DLGAP2: variants seen among roughly 807,000 people sequenced by gnomAD.
DLGAP2 encodes the protein DLG associated protein 2.
Under a neutral mutation model 100.3 loss-of-function variants are expected in DLGAP2, and 26 were observed. That is an observed-to-expected ratio of 0.26 (90% CI 0.19 to 0.36). The LOEUF is 0.36. Among genes scored for constraint, DLGAP2 ranks in the 10% least tolerant of loss-of-function variants. DLGAP2 has a pLI of 1.00. For synonymous variants in DLGAP2, 886 were observed against 630.1 expected, an observed-to-expected ratio of 1.41 and a Z score of -6.08; for missense variants, 1,858 against 1,453.2, an observed-to-expected ratio of 1.28 and a Z score of -4.53.
intron 2 of DLGAP2, among the ~76,000 whole-genome samples, chr8:1,225,359 A>G (rs1028799630): frequency 2.6e-5 from 4 of 152,268 alleles, no homozygotes; most frequent in African/African-American, 9.6e-5. Flanking sequence ...TTTCACATCA[A>G]TGAAATATCC....
intron 3 of DLGAP2, among the ~76,000 whole-genome samples, chr8:1,391,597 C>T (rs766650150): frequency 6.6e-6 from 1 of 152,134 alleles, no homozygotes; most frequent in African/African-American, 2.4e-5. Flanking sequence ...CAGAGCTGGC[C>T]CCATGCAGAG....
intron 3 of DLGAP2, among the ~76,000 whole-genome samples, chr8:1,266,624 C>T (rs1799456142): frequency 6.6e-6 from 1 of 152,180 alleles, no homozygotes; most frequent in South Asian, 2.1e-4. Flanking sequence ...ATGAAATATG[C>T]ACCCTCTGTT....
At chr8:876,690 G>C (rs944827157) in intron 1 of DLGAP2, among the ~76,000 whole-genome samples, 2 of 152,086 alleles carry the variant, frequency 1.3e-5, no homozygotes, top group African/African-American at 4.8e-5. Flanking sequence ...AGTATGTTTG[G>C]GAGGTTTTCA....
intron 2 of DLGAP2, among the ~76,000 whole-genome samples, chr8:1,198,874 G>A (rs957402131): frequency 3.9e-5 from 6 of 152,248 alleles, no homozygotes; most frequent in African/African-American, 1.2e-4. Flanking sequence ...GCACCCCCAC[G>A]CCTGCCTATG....
intron 2 of DLGAP2, among the ~76,000 whole-genome samples, chr8:917,499 A>C (rs1173685217): frequency 6.6e-6 from 1 of 151,792 alleles, no homozygotes; most frequent in Non-Finnish European, 1.5e-5. Context: ...TGGCCTCCCA[A>C]AGTGCTGGAA....
At chr8:1,349,765 C>G (rs950314985) in intron 3 of DLGAP2, among the ~76,000 whole-genome samples, 11 of 152,316 alleles carry the variant, frequency 7.2e-5, no homozygotes, top group African/African-American at 2.6e-4. Flanking sequence ...GGTGTCTTTC[C>G]CCATTAGACC....
chr8:1,188,603 C>T (rs537956305), intron 2 of DLGAP2, among the ~76,000 whole-genome samples: 3 of 151,954 alleles, frequency 2.0e-5, no homozygotes, highest in Non-Finnish European at 2.9e-5. Context: ...CCGGGACGTC[C>T]GTGACATTTG....
chr8:1,583,376 C>A (rs1200313915), intron 6 of DLGAP2, among the ~76,000 whole-genome samples: 1 of 151,926 alleles, frequency 6.6e-6, no homozygotes, highest in Non-Finnish European at 1.5e-5. Context: ...CCTGGGATCA[C>A]CTTTTGCTCC....
chr8:1,427,471 A>G (rs1797267924), intron 3 of DLGAP2, among the ~76,000 whole-genome samples: 1 of 152,224 alleles, frequency 6.6e-6, no homozygotes, highest in South Asian at 2.1e-4. Context: ...ATAAACAAAC[A>G]TCCTCATATA....
rs1430323589 is a variant in DLGAP2, at chr8:802,003, T to TGGG, written c.18+64179_18+64180insGGG. ...TCCTGGGTCCTCTGTCCTCACAGCC[T>TGGG]GAGGAACAGTCCGCACCCCTCCTGG... is the stretch of plus-strand genomic sequence containing the variant. On this transcript the variant is annotated intron_variant, in intron 1 of 14. Coordinates refer to ENST00000637795, the MANE Select transcript of DLGAP2 (RefSeq NM_001346810.2). 1.7e-4 allele frequency among the ~76,000 whole-genome samples: 25 copies of TGGG among 143,492 alleles called. 2 individuals carry two copies. Among genetic ancestry groups the TGGG allele is most frequent in the African/African-American group, 2.9e-4 (11 of 38,192 alleles). The allele number at this position is 143,492 out of a possible 152,430, so 94.1% of individuals were successfully genotyped here. A position where few individuals can be genotyped will look rare whatever the true frequency, so the allele number is the denominator to read the frequency against.
chr8:1,002,560 T>C (rs1800989875), intron 2 of DLGAP2: 1 of 152,214 alleles, frequency 6.6e-6, no homozygotes, highest in Non-Finnish European at 1.5e-5. Flanking sequence ...CCTCCCCTCC[T>C]GGACACAGGA....
chr8:1,667,077 G>A (rs1798562613), intron 8 of DLGAP2, among the ~76,000 whole-genome samples: 1 of 152,202 alleles, frequency 6.6e-6, no homozygotes, highest in Admixed American at 6.5e-5. Flanking sequence ...GTGTGGCAGG[G>A]GTGGGGTGGT....
intron 1 of DLGAP2, among the ~76,000 whole-genome samples, chr8:861,728 G>A (rs1293127273): frequency 2.6e-5 from 4 of 152,186 alleles, no homozygotes; most frequent in African/African-American, 4.8e-5. Context: ...CGAGGCCTCC[G>A]TTCCTACTCA....
intron 2 of DLGAP2, among the ~76,000 whole-genome samples, chr8:947,409 C>A (rs1434614855): frequency 6.6e-6 from 1 of 152,246 alleles, no homozygotes; most frequent in Non-Finnish European, 1.5e-5. Context: ...GTTGCGCTGG[C>A]CTTGCACTTG....
chr8:1,576,172 C>T (rs552753737), intron 6 of DLGAP2, among the ~76,000 whole-genome samples: 1 of 152,194 alleles, frequency 6.6e-6, no homozygotes, highest in African/African-American at 2.4e-5. Context: ...AACTGGTGTG[C>T]GATGGTGTCT....
At chr8:946,444 T>TG in intron 2 of DLGAP2, among the ~76,000 whole-genome samples, 1 of 151,982 alleles carries the variant, frequency 6.6e-6, no homozygotes, top group South Asian at 2.1e-4. Flanking sequence ...TTTGTAGTTT[T>TG]TGTAGAGACG....
In DLGAP2 at chr8:1,160,781, C is replaced by G. The variant is rs200959525; in HGVS notation, c.74-98070C>G. ...TCCATGCAAAGCCTGGCGAGGAAGG[C>G]GAGGAAGCCTGGCAGGGATGGTTTT... is the stretch of plus-strand genomic sequence containing the variant. On this transcript the variant is annotated intron_variant, in intron 2 of 14. Transcript: ENST00000637795. Among the ~76,000 whole-genome samples, 10 of 152,310 alleles carry G rather than the reference C, an allele frequency of 6.6e-5. No homozygotes were observed. In the East Asian group the frequency reaches 9.7e-4, roughly 15 times the overall value.
At chr8:964,910 C>T (rs1236183656) in intron 2 of DLGAP2, among the ~76,000 whole-genome samples, 2 of 152,140 alleles carry the variant, frequency 1.3e-5, no homozygotes, top group Admixed American at 6.5e-5. Flanking sequence ...GCTCGCTGAG[C>T]CCGACTTCCA....
chr8:1,683,613 C>T (rs1365507662), intron 12 of DLGAP2, among the ~76,000 whole-genome samples: 5 of 149,522 alleles, frequency 3.3e-5, no homozygotes, highest in Admixed American at 3.3e-4. Context: ...GCACAGAGTG[C>T]CAGACAATAG....
Sources: gnomAD v4.1 joint callset for allele counts (sites outside exome capture counted in the v4.1 genomes callset) on GRCh38, gnomAD v4.1.1 for gene constraint, MANE v1.5 for transcripts, NCBI Gene and HGNC (gene_info 2026-07-23, HGNC 2026-07-21) for gene names.